The following TP53I13 variants were observed in gnomAD, a reference collection of about 807,000 sequenced individuals.
TP53I13 encodes tumor protein p53 inducible protein 13.
Under a neutral mutation model 39.1 loss-of-function variants are expected in TP53I13, and 27 were observed. The ratio of observed to expected loss-of-function variants is 0.69; its 90% CI spans 0.51 to 0.95. The LOEUF is 0.95. Among genes scored for constraint, TP53I13 ranks in the 40% least tolerant of loss-of-function variants. The pLI is 0.00. For synonymous variants in TP53I13, 230 were observed against 224.6 expected, an observed-to-expected ratio of 1.02 and a Z score of -0.22; for missense variants, 544 against 520.4, an observed-to-expected ratio of 1.05 and a Z score of -0.44.
chr17:29,576,353 A>T (rs1215838594), downstream of TP53I13: 1 of 1,613,406 alleles, frequency 6.2e-7, no homozygotes. Context: ...GCCTGGCGCC[A>T]TGGGTGTGTG....
At chr17:29,581,642 G>A in the TP53I13 span, 8 of 900,568 alleles carry the variant, frequency 8.9e-6, no homozygotes, top group Admixed American at 5.5e-5. This position sits in a 1 kb window ranked among gnomAD's most constrained non-coding sequence, Gnocchi z 4.8. Flanking sequence ...CTCCCCAGCC[G>A]CTCTGTCACC....
chr17:29,571,269 T>C, intron 3 of TP53I13: 1 of 326,506 alleles, frequency 3.1e-6, no homozygotes, highest in Non-Finnish European at 5.7e-6. Flanking sequence ...GCTTATGGCT[T>C]GGATTGTGGA....
chr17:29,575,511 A>G (rs376746641), downstream of TP53I13: 127 of 1,578,806 alleles, frequency 8.0e-5, no homozygotes, highest in Admixed American at 3.7e-4. This position sits in a 1 kb window ranked among gnomAD's most constrained non-coding sequence, Gnocchi z 5.5. Context: ...AGATACATAT[A>G]GAGAAAGACA....
chr17:29,574,623 T>G (rs748487444), downstream of TP53I13: 1 of 1,156,996 alleles, frequency 8.6e-7, no homozygotes, highest in South Asian at 1.3e-5. Flanking sequence ...TCTGTTGGGG[T>G]GGGGATTAAT....
downstream of TP53I13, chr17:29,576,072 G>A (rs778187427): frequency 6.2e-7 from 1 of 1,613,504 alleles, no homozygotes; most frequent in Non-Finnish European, 8.5e-7. Flanking sequence ...CCTTCCCCAG[G>A]CTTACCCGGT....
At chr17:29,575,274 C>T, downstream of TP53I13, 2 of 1,603,990 alleles carry the variant, frequency 1.2e-6, no homozygotes, top group African/African-American at 1.3e-5. This position sits in a 1 kb window ranked among gnomAD's most constrained non-coding sequence, Gnocchi z 5.5. Context: ...CTCACCTCCC[C>T]CTCCACTCAG....
Position 29,571,636 on chromosome 17 carries a change from C to T in TP53I13, c.229C>T (p.Leu77=). The change falls in exon 4 of 7, where the codon CTG becomes TTG. Residue 77 remains leucine (L), a synonymous_variant. Coordinates refer to ENST00000301057, the MANE Select transcript of TP53I13 (RefSeq NM_138349.4). The stretch of plus-strand genomic sequence containing the variant: ...CTACCACCCCTGTGCCCATCCCTGG[C>T]TGAAGCTCCAGCTTGCCCTCCTGGC... ...FLYHPCAHPW[L]KLQLALLAYA... is the part of the protein sequence containing the mutation. The T allele has an allele frequency of 6.2e-7, 1 of 1,614,188 alleles. No individual in the cohort carries two copies. Among genetic ancestry groups the T allele is most frequent in the Non-Finnish European group, 8.5e-7 (1 of 1,180,020 alleles).
chr17:29,570,842 G>T (rs1308070734), intron 3 of TP53I13: 1 of 152,448 alleles, frequency 6.6e-6, no homozygotes, highest in East Asian at 1.9e-4. Context: ...GACTCGGAGA[G>T]TGCAGCTCCC....
At chr17:29,571,766 T>C in intron 4 of TP53I13, 47 bp downstream of exon 4, 1 of 1,613,800 alleles carries the variant, frequency 6.2e-7, no homozygotes, top group Non-Finnish European at 8.5e-7. Flanking sequence ...CAGAAGGCTA[T>C]GGCCCCGTGT....
Position 29,569,302 on chromosome 17 carries a change from C to T in TP53I13, c.142-16C>T, listed in dbSNP as rs1202943225. On this transcript the variant is annotated splice_polypyrimidine_tract_variant and intron_variant, in intron 2 of 6. Transcript: ENST00000301057. ...TCCCCCAACTGCCCTAAGCTCTGTT[C>T]TTTCCCCATGTATAGGTGTCACCAA... The T allele has an allele frequency of 6.2e-7, 1 of 1,613,752 alleles. No individual in the cohort carries two copies. Among genetic ancestry groups the T allele is most frequent in the Non-Finnish European group, 8.5e-7 (1 of 1,179,830 alleles).
downstream of TP53I13, chr17:29,576,968 C>G (rs745333746): frequency 6.2e-7 from 1 of 1,602,362 alleles, no homozygotes; most frequent in Non-Finnish European, 8.5e-7. Context: ...CGAGGTCACT[C>G]TGGCTCCGCA....
rs1363181481 is a variant in TP53I13 at position 29,572,712 on chromosome 17, C to T, written c.1069+15C>T. On this transcript the variant is annotated intron_variant, in intron 6 of 6. Coordinates refer to ENST00000301057, the MANE Select transcript of TP53I13 (RefSeq NM_138349.4). ...CACAGTGGCTGGTGAGGAGTTCCCTCCCTACCCTACCCGAGGCCCCCGCCC... is the reference window on the plus strand; with the variant it reads ...CACAGTGGCTGGTGAGGAGTTCCCTTCCTACCCTACCCGAGGCCCCCGCCC... The T allele has an allele frequency of 7.3e-6, 11 of 1,514,002 alleles. No individual in the cohort carries two copies. The African/African-American group carries it at 9.7e-5, about 13-fold the overall frequency. The allele number at this position is 1,514,002 out of a possible 1,614,324, so 93.8% of individuals were successfully genotyped here. A position where few individuals can be genotyped will look rare whatever the true frequency, so the allele number is the denominator to read the frequency against.
upstream of TP53I13, chr17:29,567,161 C>T (rs1902341103): frequency 4.3e-6 from 1 of 234,754 alleles, no homozygotes; most frequent in Non-Finnish European, 7.5e-6. The surrounding 1 kb of genome is among the most constrained non-coding windows in gnomAD (Gnocchi z 6.6). Context: ...CCCACCCCCG[C>T]CCCGGCCCTT....
upstream of TP53I13, chr17:29,568,630 G>GCTCCCT: frequency 4.1e-6 from 2 of 482,440 alleles, no homozygotes; most frequent in Non-Finnish European, 5.4e-6. This position sits in a 1 kb window ranked among gnomAD's most constrained non-coding sequence, Gnocchi z 4.5. Context: ...GGGCGCGCGC[G>GCTCCCT]AGCCCAGGGC....
downstream of TP53I13, chr17:29,576,279 G>A (rs1715870666): frequency 1.9e-6 from 3 of 1,611,868 alleles, no homozygotes; most frequent in Admixed American, 1.7e-5. Context: ...CCCCCAAAGG[G>A]CTTCAGGGCA....
At chr17:29,581,676 C>G in the TP53I13 span, 1 of 1,290,254 alleles carries the variant, frequency 7.8e-7, no homozygotes, top group Non-Finnish European at 1.1e-6. This position sits in a 1 kb window ranked among gnomAD's most constrained non-coding sequence, Gnocchi z 4.8. Context: ...CCGGGTGCGT[C>G]CAGGTCCCAC....
At chr17:29,575,890 T>G, downstream of TP53I13, 2 of 1,607,598 alleles carry the variant, frequency 1.2e-6, no homozygotes, top group Non-Finnish European at 1.7e-6. This position sits in a 1 kb window ranked among gnomAD's most constrained non-coding sequence, Gnocchi z 5.5. Context: ...CAGACACCCC[T>G]TTCCGGATCT....
upstream of TP53I13, chr17:29,568,661 C>CGG (rs776580398): frequency 0.24 from 187,992 of 781,598 alleles, 24,804 homozygotes; most frequent in Admixed American, 0.26. This position sits in a 1 kb window ranked among gnomAD's most constrained non-coding sequence, Gnocchi z 4.5. Flanking sequence ...GCGGGCGGCG[C>CGG]GGGCGGCGCG....
downstream of TP53I13, chr17:29,575,461 C>G (rs772218935): frequency 1.9e-6 from 3 of 1,602,678 alleles, no homozygotes; most frequent in Non-Finnish European, 1.7e-6. This position sits in a 1 kb window ranked among gnomAD's most constrained non-coding sequence, Gnocchi z 5.5. Flanking sequence ...GAAACCTCTT[C>G]CCTTCCAGCC....
Sources: allele counts gnomAD v4.1 joint callset, GRCh38; gene constraint gnomAD v4.1.1; non-coding constraint Gnocchi (gnomAD v3.1); transcripts MANE v1.5; gene names NCBI Gene and HGNC (gene_info 2026-07-23, HGNC 2026-07-21).